PHF14: variants seen among roughly 807,000 people sequenced by gnomAD.
PHF14 encodes PHD finger protein 14.
In PHF14, 55 loss-of-function variants were observed where a neutral mutation model predicts 117.9. That is an observed-to-expected ratio of 0.47 (90% CI 0.38 to 0.58). The LOEUF (loss-of-function observed/expected upper bound fraction) is 0.58. Ranked by LOEUF, PHF14 falls within the 20% of genes least tolerant of loss-of-function variation. The pLI, the probability that PHF14 is intolerant of heterozygous loss-of-function variation, is 0.00. For synonymous variants in PHF14, 409 were observed against 368.6 expected (o/e 1.11, Z -1.26); for missense variants, 978 against 1,122.2 (o/e 0.87, Z 1.84).
rs553883342 is a variant in PHF14, at chr7:11,032,551, C to A, written c.1456-3089C>A. Among the ~76,000 whole-genome samples, 885 of 151,214 alleles carry A rather than the reference C, an allele frequency of 5.9e-3. 4 individuals carry two copies. Among genetic ancestry groups the A allele is most frequent in the Non-Finnish European group, 8.8e-3 (597 of 67,854 alleles). On this transcript the variant is annotated intron_variant, in intron 7 of 17. Coordinates refer to ENST00000634607, the MANE Select transcript of PHF14 (RefSeq NM_001007157.2). ...AGACCAAATCATGGCATCTAGAGGA[C>A]CACAAGCTAAACTTAATCCATAGAT...
intron 14 of PHF14, among the ~76,000 whole-genome samples, chr7:11,052,746 G>T (rs965481255): frequency 2.6e-5 from 4 of 152,106 alleles, no homozygotes; most frequent in African/African-American, 4.8e-5. Flanking sequence ...TTGGTAAATT[G>T]TATTTCCTTT....
At chr7:11,021,074 A>G (rs1267810801) in intron 5 of PHF14, among the ~76,000 whole-genome samples, 3 of 152,324 alleles carry the variant, frequency 2.0e-5, no homozygotes, top group Middle Eastern at 3.4e-3. Flanking sequence ...ATTGATTAAT[A>G]TAGTTTTCAT....
In PHF14 at chr7:11,068,417, G is replaced by A. The variant is rs528629981; in HGVS notation, c.2654+6332G>A. On this transcript the variant is annotated intron_variant, in intron 16 of 17. Transcript: ENST00000634607. Reference sequence around the variant, plus strand: ...ATGAACCTTGAGAACGTTATGCTAAGTAAAATAAACCAGTTACAGAAGGGT... The same window carrying A: ...ATGAACCTTGAGAACGTTATGCTAAATAAAATAAACCAGTTACAGAAGGGT... Among the ~76,000 whole-genome samples the A allele has an allele frequency of 6.7e-5, 10 of 149,528 alleles. No individual in the cohort carries two copies. In the Admixed American group the frequency reaches 6.7e-4, roughly 10 times the overall value.
At chr7:11,078,449 C>G (rs944856362) in intron 16 of PHF14, among the ~76,000 whole-genome samples, 1 of 152,032 alleles carries the variant, frequency 6.6e-6, no homozygotes, top group Non-Finnish European at 1.5e-5. Context: ...GGCTGTATAA[C>G]CATGAGAAAT....
intron 16 of PHF14, among the ~76,000 whole-genome samples, chr7:11,090,050 C>T (rs770551452): frequency 5.3e-5 from 8 of 152,190 alleles, no homozygotes; most frequent in South Asian, 2.1e-4. Context: ...GGATTACAGG[C>T]GTGAGCCACC....
intron 4 of PHF14, among the ~76,000 whole-genome samples, chr7:10,991,766 T>TA (rs1782461962): frequency 6.9e-6 from 1 of 145,402 alleles, no homozygotes; most frequent in Non-Finnish European, 1.5e-5. Flanking sequence ...TTAATTTTTT[T>TA]TTTTTTTTTT....
rs755460012 is a variant in PHF14, at chr7:11,062,056, G to A, written c.2625G>A (p.Lys875=). 11 of 1,608,340 alleles carry A rather than the reference G, an allele frequency of 6.8e-6. No individual in the cohort carries two copies. In the South Asian group the frequency reaches 1.1e-4, roughly 16 times the overall value. ...EDLRTECATC[K]GTGDNENLVR... ...TAAGAACTGAATGTGCAACTTGCAA[G>A]GGAACTGGAGACAATGAAAATCTTG... The change falls in exon 16 of 18, where the codon AAG becomes AAA. Residue 875 remains lysine, a synonymous_variant. Coordinates refer to ENST00000634607, the MANE Select transcript of PHF14 (RefSeq NM_001007157.2).
At chr7:11,034,673 T>C (rs1322577057) in intron 7 of PHF14, among the ~76,000 whole-genome samples, 2 of 149,704 alleles carry the variant, frequency 1.3e-5, no homozygotes, top group Non-Finnish European at 3.0e-5. Flanking sequence ...CTCAGCCTCC[T>C]GAGTAGCTGG....
intron 17 of PHF14, among the ~76,000 whole-genome samples, chr7:11,156,376 C>A (rs541593015): frequency 6.6e-6 from 1 of 152,244 alleles, no homozygotes; most frequent in Admixed American, 6.5e-5. Context: ...ACTTAGATAT[C>A]TAATGAGCTA....
At chr7:11,152,452 C>CT (rs1458252191) in intron 17 of PHF14, among the ~76,000 whole-genome samples, 3 of 151,862 alleles carry the variant, frequency 2.0e-5, no homozygotes, top group Non-Finnish European at 4.4e-5. Context: ...AAATACAAGC[C>CT]TTTAATAATA....
At chr7:11,110,462 A>G (rs1481984920) in intron 16 of PHF14, 7 of 730,286 alleles carry the variant, frequency 9.6e-6, no homozygotes, top group Non-Finnish European at 1.2e-5. Context: ...TGTTATTCCA[A>G]CTGATGCAAA....
chr7:11,101,765 C>T (rs1335822399), intron 16 of PHF14, among the ~76,000 whole-genome samples: 3 of 151,722 alleles, frequency 2.0e-5, no homozygotes, highest in Non-Finnish European at 3.0e-5. Flanking sequence ...ACTTTTTCTG[C>T]GATGTGTGAC....
At chr7:11,058,640 T>G (rs1267279892) in intron 14 of PHF14, among the ~76,000 whole-genome samples, 1 of 152,230 alleles carries the variant, frequency 6.6e-6, no homozygotes, top group Non-Finnish European at 1.5e-5. Context: ...TGGGTATAAT[T>G]CTCTAACTTC....
At chr7:11,104,929 C>T (rs929747010) in intron 16 of PHF14, 10 of 970,126 alleles carry the variant, frequency 1.0e-5, no homozygotes, top group Non-Finnish European at 1.2e-5. Flanking sequence ...AAGGAATGTG[C>T]TTTTAACATC....
intron 17 of PHF14, among the ~76,000 whole-genome samples, chr7:11,134,350 T>G (rs1788161135): frequency 6.6e-6 from 1 of 151,990 alleles, no homozygotes; most frequent in South Asian, 2.1e-4. Flanking sequence ...TGAAATATCA[T>G]TTAGAGAGAT....
intron 5 of PHF14, among the ~76,000 whole-genome samples, chr7:11,018,881 CAT>C (rs1330526868): frequency 1.3e-5 from 2 of 152,144 alleles, no homozygotes; most frequent in Non-Finnish European, 2.9e-5. Context: ...GTGGGTCTGT[CAT>C]ATATCGCTTT....
At chr7:10,982,171 T>C (rs2128308076) in intron 2 of PHF14, among the ~76,000 whole-genome samples, 1 of 152,352 alleles carries the variant, frequency 6.6e-6, no homozygotes, top group South Asian at 2.1e-4. Flanking sequence ...AGCACTATAC[T>C]GAACTAAAAC....
At chr7:11,072,371 C>T (rs1171485189) in intron 16 of PHF14, among the ~76,000 whole-genome samples, 1 of 152,198 alleles carries the variant, frequency 6.6e-6, no homozygotes, top group Non-Finnish European at 1.5e-5. Context: ...CACCTCCCAT[C>T]AGGTCCCATT....
intron 16 of PHF14, among the ~76,000 whole-genome samples, chr7:11,086,941 C>T (rs1272706354): frequency 1.3e-5 from 2 of 152,020 alleles, no homozygotes; most frequent in East Asian, 3.9e-4. Context: ...TCTGCGTTAT[C>T]TTTAATCTAA....
Sources: allele counts gnomAD v4.1 joint callset (sites outside exome capture counted in the v4.1 genomes callset), GRCh38; gene constraint gnomAD v4.1.1; transcripts MANE v1.5; gene names NCBI Gene and HGNC (gene_info 2026-07-23, HGNC 2026-07-21).